Variants in CYP2C18 observed in about 807,000 individuals in gnomAD.
CYP2C18 encodes cytochrome P450 2C18.
Under a neutral mutation model 41.3 loss-of-function variants are expected in CYP2C18, and 38 were observed. That is an observed-to-expected ratio of 0.92 (90% CI 0.71 to 1.21). The LOEUF (loss-of-function observed/expected upper bound fraction) is 1.21. CYP2C18 is among the 50% of genes most tolerant of loss of function. The pLI is 0.00. For synonymous variants in CYP2C18, 236 were observed against 210.0 expected (o/e 1.12, Z -1.07); for missense variants, 635 against 591.4 (o/e 1.07, Z -0.77).
intron 5 of CYP2C18, among the ~76,000 whole-genome samples, chr10:94,716,258 C>T (rs1018090588): frequency 6.6e-6 from 1 of 152,122 alleles, no homozygotes; most frequent in Non-Finnish European, 1.5e-5. Context: ...TTCTCTAGTT[C>T]TTTTAATTGT....
At chr10:94,734,545 G>A (rs1179952375) in intron 8 of CYP2C18, among the ~76,000 whole-genome samples, 1 of 152,164 alleles carries the variant, frequency 6.6e-6, no homozygotes, top group Non-Finnish European at 1.5e-5. Flanking sequence ...TCATAAAGAG[G>A]AAATGACATG....
chr10:94,705,133 T>C (rs998165588), intron 4 of CYP2C18, among the ~76,000 whole-genome samples: 14 of 152,000 alleles, frequency 9.2e-5, no homozygotes, highest in Non-Finnish European at 1.9e-4. Context: ...CAAGTGCAAA[T>C]AAACATACCA....
At chr10:94,699,777 G>A (rs957127236) in intron 4 of CYP2C18, among the ~76,000 whole-genome samples, 9 of 152,096 alleles carry the variant, frequency 5.9e-5, no homozygotes, top group Non-Finnish European at 1.2e-4. Context: ...ACTTCAGCAA[G>A]GTCTCAGGAT....
intron 5 of CYP2C18, among the ~76,000 whole-genome samples, chr10:94,718,306 C>T (rs1589803484): frequency 6.6e-6 from 1 of 152,004 alleles, no homozygotes; most frequent in East Asian, 1.9e-4. Context: ...TATCCTGCAA[C>T]TTTACTGAAT....
intron 1 of CYP2C18, among the ~76,000 whole-genome samples, chr10:94,687,060 C>T (rs1446717220): frequency 6.6e-6 from 1 of 152,154 alleles, no homozygotes; most frequent in Non-Finnish European, 1.5e-5. Flanking sequence ...TCAGGGCCAT[C>T]TGGGTGGTAA....
At chr10:94,699,092 C>T (rs1439689949) in intron 4 of CYP2C18, among the ~76,000 whole-genome samples, 2 of 152,096 alleles carry the variant, frequency 1.3e-5, no homozygotes, top group Non-Finnish European at 2.9e-5. Context: ...CTATTCCAAT[C>T]AATAGAAAAA....
intron 5 of CYP2C18, among the ~76,000 whole-genome samples, chr10:94,713,589 A>C (rs1177200562): frequency 6.6e-6 from 1 of 152,198 alleles, no homozygotes; most frequent in Non-Finnish European, 1.5e-5. Flanking sequence ...ACTGATGGAC[A>C]TTTGGGTTGG....
Position 94,683,795 on chromosome 10 carries a change from G to A in CYP2C18, c.-25G>A, listed in dbSNP as rs1846829501. ...AGCCTTGAAGTGAAAGCCCGCAGTT[G>A]TCTTACTAAGAAGAGAAGCCTTCAA... is the stretch of plus-strand genomic sequence containing the variant. On this transcript the variant is annotated 5_prime_UTR_variant, in exon 1 of 9. Transcript: ENST00000285979. 1 of 1,551,406 alleles carries A rather than the reference G, an allele frequency of 6.4e-7. No individual in the cohort carries two copies. Among genetic ancestry groups the A allele is most frequent in the Non-Finnish European group, 8.7e-7 (1 of 1,148,942 alleles).
chr10:94,715,310 T>G lies in CYP2C18; in HGVS notation c.820-5086T>G, dbSNP rs532449565. Among the ~76,000 whole-genome samples the G allele has an allele frequency of 7.2e-5, 11 of 152,164 alleles. No homozygotes were observed. In the East Asian group the frequency reaches 2.1e-3, roughly 29 times the overall value. ...GTGCCCATTCAGTATGATATTGGCT[T>G]TGGGTTTGTCATAAATAGCTCTTAT... is the stretch of plus-strand genomic sequence containing the variant. On this transcript the variant is annotated intron_variant, in intron 5 of 8. Transcript: ENST00000285979.
chr10:94,713,516 C>CT (rs1192617326), intron 5 of CYP2C18, among the ~76,000 whole-genome samples: 1 of 152,108 alleles, frequency 6.6e-6, no homozygotes, highest in African/African-American at 2.4e-5. Flanking sequence ...CGAACTCATC[C>CT]TTTTTTATGG....
At chr10:94,694,796 A>G in intron 3 of CYP2C18, 121 bp from the exon 4 acceptor site, 2 of 1,094,964 alleles carry the variant, frequency 1.8e-6, no homozygotes, top group Non-Finnish European at 2.6e-6. Context: ...GTTTGTGTTG[A>G]TAAGAGAATT....
At chr10:94,685,305 A>G (rs1443628690) in intron 1 of CYP2C18, among the ~76,000 whole-genome samples, 2 of 152,208 alleles carry the variant, frequency 1.3e-5, no homozygotes, top group East Asian at 3.9e-4. Context: ...AAGTGCTGGA[A>G]TTACAGACAT....
At chr10:94,716,403 A>G (rs994752551) in intron 5 of CYP2C18, among the ~76,000 whole-genome samples, 1 of 152,030 alleles carries the variant, frequency 6.6e-6, no homozygotes, top group African/African-American at 2.4e-5. Context: ...CATTGGTTTC[A>G]AGAACATCTT....
intron 8 of CYP2C18, 186 bp downstream of exon 8, chr10:94,733,624 C>T: frequency 2.1e-5 from 21 of 983,792 alleles, no homozygotes; most frequent in Non-Finnish European, 2.5e-5. Context: ...GTTAGTGGGG[C>T]TTTGGGGAGT....
chr10:94,684,038 A>C, intron 1 of CYP2C18, 51 bp downstream of exon 1: 40 of 1,313,024 alleles, frequency 3.0e-5, no homozygotes, highest in Non-Finnish European at 4.0e-5. Context: ...ATTTAACCTC[A>C]CAATTCTTAA....
At chr10:94,717,258 T>C (rs1847566394) in intron 5 of CYP2C18, among the ~76,000 whole-genome samples, 1 of 152,218 alleles carries the variant, frequency 6.6e-6, no homozygotes, top group Admixed American at 6.6e-5. Context: ...CATTAGTTTA[T>C]GCAGTTTCTT....
At chr10:94,685,457 A>G (rs751021136) in intron 1 of CYP2C18, among the ~76,000 whole-genome samples, 7 of 152,100 alleles carry the variant, frequency 4.6e-5, no homozygotes, top group Non-Finnish European at 1.0e-4. Flanking sequence ...TTAGGATCAT[A>G]TCCAAGAAAT....
At chr10:94,711,290 T>C (rs976576296) in intron 5 of CYP2C18, among the ~76,000 whole-genome samples, 1 of 152,214 alleles carries the variant, frequency 6.6e-6, no homozygotes, top group African/African-American at 2.4e-5. Flanking sequence ...TAATAATGGC[T>C]GGCCCCATCT....
intron 4 of CYP2C18, among the ~76,000 whole-genome samples, chr10:94,706,321 G>T (rs1409655): frequency 0.28 from 43,037 of 151,990 alleles, 7,421 homozygotes; most frequent in Admixed American, 0.43. Flanking sequence ...TGGTATCTTT[G>T]TACCCCTCCC....
Sources: gnomAD v4.1 joint callset for allele counts (sites outside exome capture counted in the v4.1 genomes callset) on GRCh38, gnomAD v4.1.1 for gene constraint, MANE v1.5 for transcripts, NCBI Gene and HGNC (gene_info 2026-07-23, HGNC 2026-07-21) for gene names.